Variants in TSHZ1 observed in about 807,000 individuals in gnomAD.
TSHZ1 encodes the protein teashirt homolog 1.
A neutral mutation model predicts 67.1 loss-of-function variants in TSHZ1; 12 were observed. The observed-to-expected ratio is 0.18, with a 90% CI of 0.11 to 0.29. TSHZ1 has a LOEUF of 0.29. Ranked by LOEUF, TSHZ1 falls within the 10% of genes least tolerant of loss-of-function variation. TSHZ1 has a pLI of 1.00. For missense variants in TSHZ1, 1,305 were observed against 1,413.9 expected, an observed-to-expected ratio of 0.92 and a Z score of 1.23; for synonymous variants, 632 against 622.4, an observed-to-expected ratio of 1.02 and a Z score of -0.23.
At chr18:75,258,055 TC>T (rs1451905341) in intron 1 of TSHZ1, among the ~76,000 whole-genome samples, 4 of 152,086 alleles carry the variant, frequency 2.6e-5, no homozygotes, top group Admixed American at 6.5e-5. Context: ...CTCGACCTGC[TC>T]CTAGGACCCA....
intron 1 of TSHZ1, among the ~76,000 whole-genome samples, chr18:75,233,690 T>A (rs142382884): frequency 2.6e-5 from 4 of 152,362 alleles, no homozygotes; most frequent in Non-Finnish European, 4.4e-5. Flanking sequence ...ACCTGTTTGC[T>A]GGTCTGATAA....
chr18:75,281,404 T>C lies in TSHZ1; in HGVS notation c.41-4044T>C, dbSNP rs1259031463. Among the ~76,000 whole-genome samples the C allele has an allele frequency of 6.6e-6, 1 of 152,128 alleles. No individual in the cohort carries two copies. Among genetic ancestry groups the C allele is most frequent in the Non-Finnish European group, 1.5e-5 (1 of 68,006 alleles). On this transcript the variant is annotated intron_variant, in intron 1 of 1. Transcript: ENST00000580243. The surrounding 1 kb of genome is among the most constrained non-coding windows in gnomAD (Gnocchi z 5.3). ...CTGGAGAGGGCGGTGGGGTGTCATT[T>C]TGTTTGCACACAACGTAGGTGTGAT...
At chr18:75,250,651 C>T (rs765106217) in intron 1 of TSHZ1, among the ~76,000 whole-genome samples, 6 of 152,194 alleles carry the variant, frequency 3.9e-5, no homozygotes, top group Non-Finnish European at 8.8e-5. Flanking sequence ...GGCCTTGGCC[C>T]GGGGAAAGCA....
At chr18:75,215,275 G>A (rs1183527152) in intron 1 of TSHZ1, among the ~76,000 whole-genome samples, 2 of 152,336 alleles carry the variant, frequency 1.3e-5, no homozygotes, top group Admixed American at 6.5e-5. Context: ...GTCGCTGGCT[G>A]GGAGCACACC....
rs1482865419 is a variant in TSHZ1 at position 75,287,918 on chromosome 18, C to T, written c.2511C>T (p.Leu837=). 2.5e-6 allele frequency: 4 copies of T among 1,614,094 alleles called. No individual in the cohort carries two copies. The highest frequency in any genetic ancestry group is 3.4e-6 in the Non-Finnish European group (4 of 1,180,050). Residue 837 remains leucine, a synonymous_variant, in exon 2 of 2, where the codon CTC becomes CTT. Coordinates refer to ENST00000580243, the MANE Select transcript of TSHZ1 (RefSeq NM_001308210.2). This position sits in a 1 kb window ranked among gnomAD's most constrained non-coding sequence, Gnocchi z 5.0. The part of the protein sequence containing the change: ...SVASPLRESA[L]MDISDMVKNL... ...CATCACCTCTGCGGGAGAGCGCACT[C>T]ATGGACATCTCCGACATGGTGAAAA...
At chr18:75,249,761 GGGA>G (rs2023272896) in intron 1 of TSHZ1, among the ~76,000 whole-genome samples, 2 of 149,718 alleles carry the variant, frequency 1.3e-5, no homozygotes, top group Admixed American at 6.6e-5. Context: ...AGTAGGTGGG[GGGA>G]GGTTACTTCC....
chr18:75,286,176 A>T lies in TSHZ1; in HGVS notation c.769A>T (p.Thr257Ser). 2.5e-6 allele frequency: 4 copies of T among 1,614,108 alleles called. No homozygotes were observed. The highest frequency in any genetic ancestry group is 2.5e-6 in the Non-Finnish European group (3 of 1,180,012). ...CAAAGACTGCAGTGCCGCGTACGAC[A>T]CGCTGGTGGAACTGACGGTGCACAT... ...RCKDCSAAYDTLVELTVHMNE... is the reference protein window; with the variant it reads ...RCKDCSAAYDSLVELTVHMNE... Residue 257 changes from threonine to serine, a missense_variant, in exon 2 of 2, where the codon ACG becomes TCG. This residue lies in a region of TSHZ1 where 358 missense variants were observed against 375.6 expected (regional missense o/e 0.95). Coordinates refer to ENST00000580243, the MANE Select transcript of TSHZ1 (RefSeq NM_001308210.2). This position sits in a 1 kb window ranked among gnomAD's most constrained non-coding sequence, Gnocchi z 5.1.
chr18:75,233,759 A>G (rs17056701), intron 1 of TSHZ1, among the ~76,000 whole-genome samples: 1 of 151,958 alleles, frequency 6.6e-6, no homozygotes, highest in East Asian at 1.9e-4. Context: ...CACACTTTTC[A>G]CTTGGAAGGA....
At chr18:75,236,655 G>C (rs2023075579) in intron 1 of TSHZ1, among the ~76,000 whole-genome samples, 1 of 152,108 alleles carries the variant, frequency 6.6e-6, no homozygotes, top group Non-Finnish European at 1.5e-5. Context: ...TGCCTGTACA[G>C]GTAGTGTCTG....
chr18:75,240,804 T>C lies in TSHZ1; in HGVS notation c.40+28888T>C, dbSNP rs139077392. On this transcript the variant is annotated intron_variant, in intron 1 of 1. Transcript: ENST00000580243. ...AGGTACTTCAACAAAAGGATCCCAT[T>C]GCACAATGTTGCAACCATTACAAGA... is the stretch of plus-strand genomic sequence containing the variant. Among the ~76,000 whole-genome samples, 41 of 152,342 alleles carry C rather than the reference T, an allele frequency of 2.7e-4. No homozygotes were observed. The East Asian group carries it at 5.6e-3, about 21-fold the overall frequency.
Position 75,289,603 on chromosome 18 carries a change from T to C in TSHZ1, c.*962T>C, listed in dbSNP as rs975940676. 6 of 167,130 alleles carry C rather than the reference T, an allele frequency of 3.6e-5. No homozygotes were observed. Among genetic ancestry groups the C allele is most frequent in the African/African-American group, 1.4e-4 (6 of 41,470 alleles). 10.4% of individuals were successfully genotyped at this position (167,130 alleles called of 1,614,324 possible). On this transcript the variant is annotated 3_prime_UTR_variant, in exon 2 of 2. Coordinates refer to ENST00000580243, the MANE Select transcript of TSHZ1 (RefSeq NM_001308210.2). ...TACCATTTTAATCTCTTCAACTTTCTTTGTACCTTCTGGCTGTATGCTTTC... is the reference window on the plus strand; with the variant it reads ...TACCATTTTAATCTCTTCAACTTTCCTTGTACCTTCTGGCTGTATGCTTTC...
chr18:75,261,085 C>T (rs570026599), intron 1 of TSHZ1, among the ~76,000 whole-genome samples: 36 of 152,038 alleles, frequency 2.4e-4, no homozygotes, highest in Non-Finnish European at 1.6e-4. Context: ...TCTCCTCCCA[C>T]GGAGACAGAG....
chr18:75,238,085 G>A (rs1487307923), intron 1 of TSHZ1, among the ~76,000 whole-genome samples: 1 of 152,200 alleles, frequency 6.6e-6, no homozygotes, highest in Non-Finnish European at 1.5e-5. Flanking sequence ...ACAAGCGTGA[G>A]CCACCACGCC....
intron 1 of TSHZ1, among the ~76,000 whole-genome samples, chr18:75,212,957 A>C (rs577056846): frequency 6.6e-6 from 1 of 152,244 alleles, no homozygotes; most frequent in Admixed American, 6.5e-5. Flanking sequence ...TAAATAATAG[A>C]GTAAATCAAC....
chr18:75,222,972 G>T (rs933111909), intron 1 of TSHZ1, among the ~76,000 whole-genome samples: 2 of 152,220 alleles, frequency 1.3e-5, no homozygotes, highest in African/African-American at 4.8e-5. Context: ...GAATGGAGGA[G>T]ATCCACATGG....
chr18:75,261,777 G>A (rs2023433705), intron 1 of TSHZ1, among the ~76,000 whole-genome samples: 1 of 152,228 alleles, frequency 6.6e-6, no homozygotes, highest in African/African-American at 2.4e-5. Context: ...ACTTGCTATT[G>A]GGTATTTGAA....
Position 75,288,831 on chromosome 18 carries a change from C to T in TSHZ1, c.*190C>T, listed in dbSNP as rs549019056. On this transcript the variant is annotated 3_prime_UTR_variant, in exon 2 of 2. Coordinates refer to ENST00000580243, the MANE Select transcript of TSHZ1 (RefSeq NM_001308210.2). This position sits in a 1 kb window ranked among gnomAD's most constrained non-coding sequence, Gnocchi z 4.9. ...TCTGTGCATGTTATTTTTCTTTTTC[C>T]GTGAGTCAAAGTCTGACCTTTATTT... 1.4e-5 allele frequency: 13 copies of T among 956,164 alleles called. No homozygotes were observed. The highest frequency in any genetic ancestry group is 3.3e-5 in the South Asian group (1 of 30,412). The allele number at this position is 956,164 out of a possible 1,614,324, so 59.2% of individuals were successfully genotyped here. A position where few individuals can be genotyped will look rare whatever the true frequency, so the allele number is the denominator to read the frequency against.
chr18:75,215,291 G>A (rs577005393), intron 1 of TSHZ1, among the ~76,000 whole-genome samples: 9 of 152,290 alleles, frequency 5.9e-5, no homozygotes, highest in South Asian at 4.1e-4. Context: ...ACACCGGGCC[G>A]TCTCCAGTGA....
chr18:75,278,700 G>C (rs937581548), intron 1 of TSHZ1, among the ~76,000 whole-genome samples: 1 of 152,088 alleles, frequency 6.6e-6, no homozygotes, highest in African/African-American at 2.4e-5. Flanking sequence ...AGGGTCCTTG[G>C]CCACTCAGCT....
Sources: gnomAD v4.1 joint callset for allele counts (sites outside exome capture counted in the v4.1 genomes callset) on GRCh38, gnomAD v4.1.1 for gene constraint, gnomAD v4.1.1 regional missense constraint, Gnocchi (gnomAD v3.1) non-coding constraint, MANE v1.5 for transcripts, NCBI Gene and HGNC (gene_info 2026-07-23, HGNC 2026-07-21) for gene names.